Variants in BLNK observed in about 807,000 individuals in gnomAD.
BLNK encodes B cell linker.
A neutral mutation model predicts 73.5 loss-of-function variants in BLNK; 29 were observed. That is an observed-to-expected ratio of 0.39 (90% CI 0.29 to 0.54). The LOEUF (loss-of-function observed/expected upper bound fraction) is 0.54. Ranked by LOEUF, BLNK falls within the 20% of genes least tolerant of loss-of-function variation. The probability of loss-of-function intolerance (pLI) is 0.61; values close to 1 mark genes in which losing one functional copy is unlikely to be tolerated. For missense variants in BLNK, 460 were observed against 562.8 expected, an observed-to-expected ratio of 0.82 and a Z score of 1.85; for synonymous variants, 176 against 200.8, an observed-to-expected ratio of 0.88 and a Z score of 1.04.
In BLNK at chr10:96,230,950, T is replaced by C; in HGVS notation, c.164-116A>G. The C allele has an allele frequency of 7.7e-6, 8 of 1,032,780 alleles. No individual in the cohort carries two copies. In the South Asian group the frequency reaches 1.1e-4, roughly 14 times the overall value. The allele number at this position is 1,032,780 out of a possible 1,614,324, so 64.0% of individuals were successfully genotyped here. A position where few individuals can be genotyped will look rare whatever the true frequency, so the allele number is the denominator to read the frequency against. Reference sequence around the variant, plus strand: ...CTTCCCTTTGGGCTTTCTGGTGCCATATACTTGACCTTGGGTTAGTTACTA... The same window carrying C: ...CTTCCCTTTGGGCTTTCTGGTGCCACATACTTGACCTTGGGTTAGTTACTA... On this transcript the variant is annotated intron_variant, in intron 3 of 16. Transcript: ENST00000224337.
At chr10:96,233,236 A>G (rs969748390) in intron 3 of BLNK, among the ~76,000 whole-genome samples, 1 of 152,196 alleles carries the variant, frequency 6.6e-6, no homozygotes, top group Non-Finnish European at 1.5e-5. Flanking sequence ...CCCTGCCTGG[A>G]TAACTGCATT....
chr10:96,240,671 T>C (rs1554906046), intron 3 of BLNK, among the ~76,000 whole-genome samples: 1 of 152,194 alleles, frequency 6.6e-6, no homozygotes, highest in Admixed American at 6.5e-5. Flanking sequence ...TGTCCCTTGC[T>C]AGACCATGGG....
intron 8 of BLNK, among the ~76,000 whole-genome samples, chr10:96,213,134 G>A (rs1316540778): frequency 6.6e-6 from 1 of 152,148 alleles, no homozygotes; most frequent in Non-Finnish European, 1.5e-5. Context: ...CAGTGTTTGA[G>A]GACTCATTCA....
chr10:96,263,250 C>T (rs782043023), intron 1 of BLNK, among the ~76,000 whole-genome samples: 4 of 152,186 alleles, frequency 2.6e-5, no homozygotes, highest in African/African-American at 7.2e-5. Context: ...GGACCCTGTG[C>T]GACTGTATGG....
chr10:96,239,088 A>ACTTCTGCATT (rs1842797325), intron 3 of BLNK: 1 of 398,650 alleles, frequency 2.5e-6, no homozygotes, highest in Non-Finnish European at 4.4e-6. Flanking sequence ...GTTGGGCCAC[A>ACTTCTGCATT]CTTCTGCATT....
chr10:96,210,280 C>T (rs782104593), intron 8 of BLNK: 6 of 350,536 alleles, frequency 1.7e-5, no homozygotes, highest in Non-Finnish European at 3.3e-5. Context: ...CTCACACCTA[C>T]ATCTGTGCAC....
chr10:96,221,935 TC>T (rs1415328450), intron 6 of BLNK, among the ~76,000 whole-genome samples: 6 of 152,268 alleles, frequency 3.9e-5, no homozygotes, highest in African/African-American at 1.4e-4. Flanking sequence ...AGACCAGGAT[TC>T]ACAGCTGAGA....
intron 5 of BLNK, 127 bp downstream of exon 5, chr10:96,227,283 G>T: frequency 8.0e-7 from 1 of 1,254,096 alleles, no homozygotes; most frequent in Non-Finnish European, 1.1e-6. Context: ...CTTGGAGGTG[G>T]CGGGAGCGGG....
At chr10:96,242,337 C>T (rs1387738730) in intron 3 of BLNK, among the ~76,000 whole-genome samples, 2 of 152,220 alleles carry the variant, frequency 1.3e-5, no homozygotes, top group Non-Finnish European at 2.9e-5. Flanking sequence ...CATTAAACCT[C>T]TTTTTCTTTA....
chr10:96,263,355 T>C (rs551736162), intron 1 of BLNK, among the ~76,000 whole-genome samples: 1 of 152,302 alleles, frequency 6.6e-6, no homozygotes, highest in Non-Finnish European at 1.5e-5. Context: ...CCAGCCAGCA[T>C]GGGAGGCAGG....
At chr10:96,243,582 G>A (rs587700642) in intron 2 of BLNK, among the ~76,000 whole-genome samples, 7 of 152,110 alleles carry the variant, frequency 4.6e-5, no homozygotes, top group Admixed American at 1.3e-4. Context: ...TGAACAGTGA[G>A]TGTCTCAGGA....
chr10:96,229,783 C>CA (rs1842428654), intron 4 of BLNK, among the ~76,000 whole-genome samples: 1 of 151,916 alleles, frequency 6.6e-6, no homozygotes, highest in Non-Finnish European at 1.5e-5. Context: ...GCTCCATGAC[C>CA]AAGAGATGGG....
chr10:96,211,580 G>C (rs1406311951), intron 8 of BLNK, among the ~76,000 whole-genome samples: 2 of 152,184 alleles, frequency 1.3e-5, no homozygotes, highest in Admixed American at 6.5e-5. Context: ...CTCAAGGATG[G>C]GAGCAACAGC....
In BLNK at chr10:96,207,543, A is replaced by G. The variant is rs587712497; in HGVS notation, c.774+329T>C. Reference sequence around the variant, plus strand: ...AGTGAGGCCTATGTGTGCCTGATACACAATGGTCTACCATTAGCTGTGGTG... The same window carrying G: ...AGTGAGGCCTATGTGTGCCTGATACGCAATGGTCTACCATTAGCTGTGGTG... On this transcript the variant is annotated intron_variant, in intron 10 of 16. Coordinates refer to ENST00000224337, the MANE Select transcript of BLNK (RefSeq NM_013314.4). Among the ~76,000 whole-genome samples the G allele has an allele frequency of 8.2e-4, 125 of 152,370 alleles. 2 individuals carry two copies. Among genetic ancestry groups the G allele is most frequent in the African/African-American group, 2.8e-3 (116 of 41,592 alleles).
chr10:96,198,996 G>A (rs183040897), intron 15 of BLNK, among the ~76,000 whole-genome samples: 126 of 152,352 alleles, frequency 8.3e-4, no homozygotes, highest in Non-Finnish European at 1.5e-3. Flanking sequence ...ACTGCGCCTG[G>A]CTGAGAAAAT....
At chr10:96,210,598 A>G (rs1554898522) in intron 8 of BLNK, among the ~76,000 whole-genome samples, 1 of 152,208 alleles carries the variant, frequency 6.6e-6, no homozygotes, top group Non-Finnish European at 1.5e-5. Flanking sequence ...CTGAAGATAG[A>G]TGCCAGACAA....
chr10:96,203,781 G>C (rs2083718970), intron 13 of BLNK: 1 of 179,994 alleles, frequency 5.6e-6, no homozygotes, highest in South Asian at 8.8e-5. Context: ...TATTGTTTTT[G>C]TAAAAAAAAA....
At chr10:96,196,692 C>T (rs1554894730) in intron 16 of BLNK, among the ~76,000 whole-genome samples, 1 of 152,188 alleles carries the variant, frequency 6.6e-6, no homozygotes, top group African/African-American at 2.4e-5. Flanking sequence ...AATGAAAGGA[C>T]TAGCATGTAC....
At chr10:96,270,472 G>A (rs1311646254) in intron 1 of BLNK, among the ~76,000 whole-genome samples, 2 of 152,106 alleles carry the variant, frequency 1.3e-5, no homozygotes, top group African/African-American at 4.8e-5. Context: ...TCAAGGTGGG[G>A]GACTAGGGGA....
Sources: allele counts gnomAD v4.1 joint callset (sites outside exome capture counted in the v4.1 genomes callset), GRCh38; gene constraint gnomAD v4.1.1; transcripts MANE v1.5; gene names NCBI Gene and HGNC (gene_info 2026-07-23, HGNC 2026-07-21).